CSMD1: variants seen among roughly 807,000 people sequenced by gnomAD.
CSMD1 encodes the protein CUB and Sushi multiple domains 1, also known as CUB and sushi domain-containing protein 1.
In CSMD1, 213 loss-of-function variants were observed where a neutral mutation model predicts 417.5. That is an observed-to-expected ratio of 0.51 (90% CI 0.46 to 0.57). The LOEUF (loss-of-function observed/expected upper bound fraction) is 0.57, where lower values mean the gene tolerates loss of function less well. CSMD1 is among the 20% of genes least tolerant of loss of function. CSMD1 has a pLI of 0.00. For missense variants in CSMD1, 6,923 were observed against 4,529.7 expected (o/e 1.53, Z -15.17); for synonymous variants, 2,862 against 1,736.8 (o/e 1.65, Z -16.11).
At chr8:3,905,295 A>G (rs562076036) in intron 5 of CSMD1, among the ~76,000 whole-genome samples, 1 of 152,336 alleles carries the variant, frequency 6.6e-6, no homozygotes, top group Non-Finnish European at 1.5e-5. Context: ...TCACTGAATA[A>G]CTTAAAGAAG....
intron 1 of CSMD1, among the ~76,000 whole-genome samples, chr8:4,802,303 C>A (rs1440270220): frequency 1.3e-5 from 2 of 152,126 alleles, no homozygotes; most frequent in South Asian, 2.1e-4. Context: ...CTCATCTTGA[C>A]CTATGACTGG....
At chr8:4,026,241 A>T (rs1396937282) in intron 4 of CSMD1, among the ~76,000 whole-genome samples, 1 of 152,222 alleles carries the variant, frequency 6.6e-6, no homozygotes, top group African/African-American at 2.4e-5. Flanking sequence ...CATCATTCAA[A>T]TATGTTTTAT....
At chr8:3,375,692 T>G (rs776742028) in intron 18 of CSMD1, among the ~76,000 whole-genome samples, 50 of 152,050 alleles carry the variant, frequency 3.3e-4, no homozygotes, top group Admixed American at 2.0e-3. Flanking sequence ...TAGGAGAGAT[T>G]CCAATCCTGA....
chr8:4,078,719 G>T (rs1201116319), intron 3 of CSMD1, among the ~76,000 whole-genome samples: 1 of 149,332 alleles, frequency 6.7e-6, no homozygotes, highest in Non-Finnish European at 1.5e-5. Context: ...GTTCTCCATA[G>T]ATTGCTTTAA....
At chr8:3,163,430 G>T (rs1303496007) in intron 37 of CSMD1, among the ~76,000 whole-genome samples, 2 of 151,236 alleles carry the variant, frequency 1.3e-5, no homozygotes, top group Admixed American at 1.3e-4. Context: ...AAAAAAAACA[G>T]CAGGAGAACA....
intron 2 of CSMD1, among the ~76,000 whole-genome samples, chr8:4,551,602 C>T (rs891461642): frequency 2.6e-5 from 4 of 152,130 alleles, no homozygotes; most frequent in African/African-American, 9.7e-5. Context: ...CAAGATGCTG[C>T]CATCAAATCC....
intron 1 of CSMD1, among the ~76,000 whole-genome samples, chr8:4,748,782 A>ATTT (rs1811117740): frequency 6.6e-6 from 1 of 152,234 alleles, no homozygotes; most frequent in South Asian, 2.1e-4. Flanking sequence ...TTGAATAGGT[A>ATTT]TTTAGTAGCG....
chr8:4,921,345 T>C (rs1806486534), intron 1 of CSMD1, among the ~76,000 whole-genome samples: 2 of 152,190 alleles, frequency 1.3e-5, no homozygotes, highest in Admixed American at 1.3e-4. Flanking sequence ...TTATAAATTA[T>C]GTTTTAATCT....
At chr8:3,901,539 T>C (rs1173995292) in intron 5 of CSMD1, among the ~76,000 whole-genome samples, 1 of 152,234 alleles carries the variant, frequency 6.6e-6, no homozygotes, top group Non-Finnish European at 1.5e-5. Context: ...TACACCAACC[T>C]GCCGATCACG....
chr8:3,411,796 G>GTA lies in CSMD1; in HGVS notation c.1562-2193_1562-2192dup, dbSNP rs1487174990. On this transcript the variant is annotated intron_variant, in intron 12 of 69. Transcript: ENST00000635120. ...TGTGTATATACCTGTATATATACACGTATATATACACGTATATATACGTGT... is the reference window on the plus strand; with the variant it reads ...TGTGTATATACCTGTATATATACACGTATATATATACACGTATATATACGTGT... 2.2e-4 allele frequency among the ~76,000 whole-genome samples: 24 copies of GTA among 108,320 alleles called. 1 individual carries two copies. In the South Asian group the frequency reaches 7.5e-3, roughly 34 times the overall value. 71.1% of individuals were successfully genotyped at this position (108,320 alleles called of 152,430 possible). A position where few individuals can be genotyped will look rare whatever the true frequency, so the allele number is the denominator to read the frequency against.
chr8:4,824,978 G>A (rs1799739807), intron 1 of CSMD1, among the ~76,000 whole-genome samples: 1 of 152,016 alleles, frequency 6.6e-6, no homozygotes. Context: ...GAATCTCTTT[G>A]GAAAGTGAGC....
At chr8:4,652,287 G>A (rs372582433) in intron 1 of CSMD1, among the ~76,000 whole-genome samples, 100 of 152,228 alleles carry the variant, frequency 6.6e-4, no homozygotes, top group Middle Eastern at 3.4e-3. Flanking sequence ...TTCGAGACCA[G>A]GAATAACTGT....
At chr8:3,625,898 T>C (rs1796465894) in intron 7 of CSMD1, among the ~76,000 whole-genome samples, 2 of 152,320 alleles carry the variant, frequency 1.3e-5, no homozygotes, top group East Asian at 1.9e-4. Context: ...TTCCAACTGA[T>C]ATATCACGGT....
chr8:4,447,426 G>C (rs193171875), intron 2 of CSMD1, among the ~76,000 whole-genome samples: 2 of 152,212 alleles, frequency 1.3e-5, no homozygotes, highest in African/African-American at 2.4e-5. Flanking sequence ...GATGGCATTT[G>C]TCTGGACCCA....
chr8:4,129,166 C>G (rs953830495), intron 3 of CSMD1, among the ~76,000 whole-genome samples: 1 of 151,036 alleles, frequency 6.6e-6, no homozygotes, highest in Non-Finnish European at 1.5e-5. Flanking sequence ...AACACATCCC[C>G]AACCTCTTCT....
intron 5 of CSMD1, among the ~76,000 whole-genome samples, chr8:3,927,380 A>T (rs73501844): frequency 0.016 from 2,472 of 152,108 alleles, 84 homozygotes; most frequent in African/African-American, 0.057. Flanking sequence ...AACAGAAAAC[A>T]ATACAGCCAG....
In CSMD1 at chr8:3,359,144, C is replaced by G. The variant is rs919857792; in HGVS notation, c.3304+8G>C. On this transcript the variant is annotated splice_region_variant and intron_variant, in intron 21 of 69. Transcript: ENST00000635120. Reference sequence around the variant, plus strand: ...GGATGAATGAAATGAAAGCGTGTGACCACCTACCCACACACCTTGGCAGAG... The same window carrying G: ...GGATGAATGAAATGAAAGCGTGTGAGCACCTACCCACACACCTTGGCAGAG... 3.1e-6 allele frequency: 5 copies of G among 1,613,562 alleles called. No homozygotes were observed. Among genetic ancestry groups the G allele is most frequent in the Non-Finnish European group, 4.2e-6 (5 of 1,179,638 alleles).
intron 1 of CSMD1, among the ~76,000 whole-genome samples, chr8:4,856,685 C>G (rs1252521865): frequency 2.0e-5 from 3 of 148,590 alleles, no homozygotes; most frequent in African/African-American, 5.1e-5. Context: ...TTACATAATG[C>G]TAAAGGGATC....
At chr8:4,414,696 G>A (rs1469849019) in intron 3 of CSMD1, among the ~76,000 whole-genome samples, 7 of 152,048 alleles carry the variant, frequency 4.6e-5, no homozygotes, top group African/African-American at 7.2e-5. Context: ...TTTCTTTCAG[G>A]TTTTGAGGAA....
Sources: allele counts gnomAD v4.1 joint callset (sites outside exome capture counted in the v4.1 genomes callset), GRCh38; gene constraint gnomAD v4.1.1; transcripts MANE v1.5; gene names NCBI Gene and HGNC (gene_info 2026-07-23, HGNC 2026-07-21).